The following MALRD1 variants were observed in gnomAD, a reference collection of about 807,000 sequenced individuals.
MALRD1 encodes the protein MAM and LDL receptor class A domain containing 1.
In MALRD1, 247 loss-of-function variants were observed where a neutral mutation model predicts 242.1. The ratio of observed to expected loss-of-function variants is 1.02; its 90% CI spans 0.92 to 1.13. The LOEUF (loss-of-function observed/expected upper bound fraction) is 1.13, where lower values mean the gene tolerates loss of function less well. Among genes scored for constraint, MALRD1 ranks in the 50% most tolerant of loss-of-function variants. The probability of loss-of-function intolerance (pLI) is 0.00; values close to 1 mark genes in which losing one functional copy is unlikely to be tolerated. For synonymous variants in MALRD1, 995 were observed against 866.6 expected (o/e 1.15, Z -2.60); for missense variants, 2,989 against 2,533.1 (o/e 1.18, Z -3.86).
At chr10:19,502,936 T>C (rs1474312376) in intron 31 of MALRD1, among the ~76,000 whole-genome samples, 1 of 142,254 alleles carries the variant, frequency 7.0e-6, no homozygotes, top group Admixed American at 7.0e-5. Flanking sequence ...TTATTAAGAG[T>C]ATTAATTTTT....
At chr10:19,244,709 G>C (rs1282928265) in intron 18 of MALRD1, among the ~76,000 whole-genome samples, 1 of 152,152 alleles carries the variant, frequency 6.6e-6, no homozygotes, top group African/African-American at 2.4e-5. Flanking sequence ...AACGTGCAAC[G>C]TGCAACCTAA....
chr10:19,716,301 A>G (rs1037557785), intron 38 of MALRD1, among the ~76,000 whole-genome samples: 2 of 152,128 alleles, frequency 1.3e-5, no homozygotes, highest in African/African-American at 4.8e-5. Flanking sequence ...TGATTGAATC[A>G]TGGGGGTGGA....
At chr10:19,056,518 A>C (rs368734197) in intron 1 of MALRD1, among the ~76,000 whole-genome samples, 1 of 151,992 alleles carries the variant, frequency 6.6e-6, no homozygotes, top group African/African-American at 2.4e-5. Flanking sequence ...AAAACGATTG[A>C]TTTTTGTATG....
chr10:19,104,429 T>A (rs1052466123), intron 5 of MALRD1, among the ~76,000 whole-genome samples: 4 of 152,164 alleles, frequency 2.6e-5, no homozygotes, highest in Non-Finnish European at 5.9e-5. Context: ...TCTTGGACAA[T>A]TGGTTTGATT....
In MALRD1 at chr10:19,450,312, GA is replaced by G. The variant is rs1335627588; in HGVS notation, c.4854del (p.Gly1619AspfsTer24). 4 of 1,547,822 alleles carry G rather than the reference GA, an allele frequency of 2.6e-6. No homozygotes were observed. In the Admixed American group the frequency reaches 7.9e-5, roughly 30 times the overall value. On this transcript the variant is annotated frameshift_variant, in exon 29 of 40. Coordinates refer to ENST00000454679, the MANE Select transcript of MALRD1 (RefSeq NM_001142308.3). LOFTEE classifies it high-confidence loss of function. ...GSIQILIKTE[K>X]GLSKVWQESK... The stretch of plus-strand genomic sequence containing the variant: ...ACAAACTTCTTTACTTTCAGACAGA[GA>G]AAGGACTATCAAAAGTATGGCAAGA...
At chr10:19,248,826 T>G (rs1167463706) in intron 18 of MALRD1, among the ~76,000 whole-genome samples, 1 of 150,852 alleles carries the variant, frequency 6.6e-6, no homozygotes, top group East Asian at 1.9e-4. Context: ...AAATGATAGA[T>G]TTTAAAAAAT....
At chr10:19,718,624 A>G (rs1166037820) in intron 38 of MALRD1, among the ~76,000 whole-genome samples, 1 of 152,194 alleles carries the variant, frequency 6.6e-6, no homozygotes, top group African/African-American at 2.4e-5. Context: ...TGAAGGGGAC[A>G]GACATCCAAA....
chr10:19,652,432 T>A (rs896513905), intron 36 of MALRD1, among the ~76,000 whole-genome samples: 3 of 152,166 alleles, frequency 2.0e-5, no homozygotes, highest in Non-Finnish European at 4.4e-5. Context: ...AAGGTGAAAT[T>A]TCAAAGGTAG....
chr10:19,462,130 T>C (rs1235773927), intron 29 of MALRD1, among the ~76,000 whole-genome samples: 1 of 152,162 alleles, frequency 6.6e-6, no homozygotes, highest in Non-Finnish European at 1.5e-5. Context: ...ATACAAATCA[T>C]ATTCACTATG....
chr10:19,393,806 G>C (rs1006202350), intron 28 of MALRD1, among the ~76,000 whole-genome samples: 1 of 150,914 alleles, frequency 6.6e-6, no homozygotes, highest in African/African-American at 2.4e-5. Flanking sequence ...TACACTAAAA[G>C]TAATTTCAGG....
intron 26 of MALRD1, among the ~76,000 whole-genome samples, chr10:19,374,611 C>T (rs1845523548): frequency 6.6e-6 from 1 of 152,130 alleles, no homozygotes; most frequent in Admixed American, 6.6e-5. Flanking sequence ...CACACATATA[C>T]ATACACATGC....
intron 12 of MALRD1, among the ~76,000 whole-genome samples, chr10:19,156,384 C>T (rs1372846089): frequency 6.6e-6 from 1 of 150,774 alleles, no homozygotes; most frequent in Non-Finnish European, 1.5e-5. Context: ...TATCCAAATG[C>T]CTTTTACCCA....
chr10:19,143,524 TGAGA>T (rs1271172604), intron 10 of MALRD1, among the ~76,000 whole-genome samples: 5 of 152,146 alleles, frequency 3.3e-5, no homozygotes, highest in African/African-American at 1.2e-4. Context: ...AAACAGGGAC[TGAGA>T]GAGGGAAAAG....
chr10:19,333,522 C>A (rs975342431), intron 24 of MALRD1, among the ~76,000 whole-genome samples: 10 of 152,070 alleles, frequency 6.6e-5, no homozygotes, highest in African/African-American at 2.4e-4. Flanking sequence ...GTATATGTAA[C>A]AGATTTTCTT....
At chr10:19,669,760 A>G (rs1451117778) in intron 36 of MALRD1, among the ~76,000 whole-genome samples, 1 of 152,228 alleles carries the variant, frequency 6.6e-6, no homozygotes, top group Non-Finnish European at 1.5e-5. Flanking sequence ...CTATTTATGT[A>G]GTAATAATGT....
chr10:19,224,663 T>C (rs1837710168), intron 18 of MALRD1, among the ~76,000 whole-genome samples: 3 of 152,294 alleles, frequency 2.0e-5, no homozygotes, highest in Admixed American at 1.3e-4. Context: ...GTTCATATCC[T>C]TTTCCCACTT....
chr10:19,669,101 C>T (rs746505886), intron 36 of MALRD1, among the ~76,000 whole-genome samples: 3 of 152,172 alleles, frequency 2.0e-5, no homozygotes, highest in Admixed American at 6.5e-5. Context: ...AAAGAATCAC[C>T]GGAAGCTGGA....
intron 36 of MALRD1, among the ~76,000 whole-genome samples, chr10:19,619,547 A>T (rs1839310907): frequency 6.6e-6 from 1 of 152,082 alleles, no homozygotes; most frequent in South Asian, 2.1e-4. Flanking sequence ...GACTTCTTAC[A>T]AATTACACAT....
chr10:19,542,550 G>A (rs1168126253), intron 32 of MALRD1, among the ~76,000 whole-genome samples: 2 of 151,588 alleles, frequency 1.3e-5, no homozygotes, highest in Non-Finnish European at 2.9e-5. Flanking sequence ...TTTCCAAATT[G>A]CAGTATAGTA....
Sources: gnomAD v4.1 joint callset for allele counts (sites outside exome capture counted in the v4.1 genomes callset) on GRCh38, gnomAD v4.1.1 for gene constraint, MANE v1.5 for transcripts, NCBI Gene and HGNC (gene_info 2026-07-23, HGNC 2026-07-21) for gene names.